Variants in IGSF9 observed in about 807,000 individuals in gnomAD.
The protein encoded by IGSF9 is protein turtle homolog A.
IGSF9 carries 87 observed loss-of-function variants against 121.7 expected under a neutral mutation model. The observed-to-expected ratio is 0.71, with a 90% CI of 0.60 to 0.85. IGSF9 has a LOEUF of 0.85. Ranked by LOEUF, IGSF9 falls within the 40% of genes least tolerant of loss-of-function variation. The pLI, the probability that IGSF9 is intolerant of heterozygous loss-of-function variation, is 0.00. For missense variants in IGSF9, 1,462 were observed against 1,565.3 expected (o/e 0.93, Z 1.11); for synonymous variants, 640 against 648.4 (o/e 0.99, Z 0.20).
In IGSF9 at chr1:159,929,986, G is replaced by A. The variant is rs751451931; in HGVS notation, c.2065-11C>T. ...CTCGTAGAGAACATCCTGCGATGGG[G>A]ATGGGGTACCAGGAGGGAGGTCAGG... On this transcript the variant is annotated splice_polypyrimidine_tract_variant and intron_variant, in intron 15 of 20. Transcript: ENST00000368094. The A allele has an allele frequency of 1.3e-6, 2 of 1,593,094 alleles. No homozygotes were observed. The highest frequency in any genetic ancestry group is 2.3e-5 in the East Asian group (1 of 43,906).
Position 159,927,541 on chromosome 1 carries a change from C to A in IGSF9, c.3359-15G>T, listed in dbSNP as rs760799479. ...AGTCTTCACACCTGCAAGAGGCGGG[C>A]AGGACAATGAGAAGAAGCCCTGAGG... On this transcript the variant is annotated splice_polypyrimidine_tract_variant and intron_variant, in intron 20 of 20. Transcript: ENST00000368094. 3.7e-6 allele frequency: 6 copies of A among 1,606,188 alleles called. No individual in the cohort carries two copies. The highest frequency in any genetic ancestry group is 1.7e-5 in the Admixed American group (1 of 59,668).
Position 159,936,922 on chromosome 1 carries a change from A to C in IGSF9, c.401-14T>G. 6.2e-7 allele frequency: 1 copy of C among 1,613,778 alleles called. No homozygotes were observed. The highest frequency in any genetic ancestry group is 8.5e-7 in the Non-Finnish European group (1 of 1,179,730). On this transcript the variant is annotated splice_polypyrimidine_tract_variant and intron_variant, in intron 4 of 20. Coordinates refer to ENST00000368094, the MANE Select transcript of IGSF9 (RefSeq NM_001135050.2). Reference sequence around the variant, plus strand: ...ATTGAGGGGGTGCTGCAAGGGAGACAGGCATCAGGGGCCCCAGTGGGGCTG... The same window carrying C: ...ATTGAGGGGGTGCTGCAAGGGAGACCGGCATCAGGGGCCCCAGTGGGGCTG...
chr1:159,928,541 A>G lies in IGSF9; in HGVS notation c.2847T>C (p.Pro949=). The G allele has an allele frequency of 1.9e-6, 3 of 1,552,420 alleles. No individual in the cohort carries two copies. The highest frequency in any genetic ancestry group is 2.6e-6 in the Non-Finnish European group (3 of 1,148,244). ...GDWPPLEEPS[P]AAPPDYMDTR... is the part of the protein sequence containing the mutation. ...TATCCATGTAATCTGGGGGTGCAGCAGGGCTGGGCTCCTCAAGCGGGGGCC... is the reference window on the plus strand; with the variant it reads ...TATCCATGTAATCTGGGGGTGCAGCGGGGCTGGGCTCCTCAAGCGGGGGCC... Residue 949 remains proline, a synonymous_variant, in exon 19 of 21, where the codon CCT becomes CCC. Transcript: ENST00000368094.
At chr1:159,934,901 C>T in intron 6 of IGSF9, 79 bp from the exon 7 acceptor site, 2 of 1,538,316 alleles carry the variant, frequency 1.3e-6, no homozygotes, top group Non-Finnish European at 1.8e-6. Context: ...TACAACTCTT[C>T]CCAGCTCTGC....
chr1:159,936,721 A>G (rs1456723056), intron 5 of IGSF9, 33 bp downstream of exon 5: 1 of 1,612,002 alleles, frequency 6.2e-7, no homozygotes, highest in Non-Finnish European at 8.5e-7. Context: ...TTCACACTCT[A>G]TATGGCTCAC....
At chr1:159,929,523 A>G in intron 17 of IGSF9, 115 bp downstream of exon 17, 1 of 1,476,624 alleles carries the variant, frequency 6.8e-7, no homozygotes, top group Non-Finnish European at 9.2e-7. Context: ...CAGATGCAGG[A>G]CTAAGAGAAT....
chr1:159,944,587 G>A (rs1651525144), intron 1 of IGSF9, among the ~76,000 whole-genome samples: 1 of 152,152 alleles, frequency 6.6e-6, no homozygotes, highest in African/African-American at 2.4e-5. Flanking sequence ...AAAAGCCTGT[G>A]AGTCCCTGAA....
chr1:159,930,096 T>C, intron 15 of IGSF9, 93 bp downstream of exon 15: 3 of 1,547,874 alleles, frequency 1.9e-6, no homozygotes, highest in Non-Finnish European at 2.6e-6. Flanking sequence ...GGTGAAGAGC[T>C]CAAATCAAGA....
At chr1:159,940,272 G>A (rs1295336543) in intron 3 of IGSF9, among the ~76,000 whole-genome samples, 2 of 152,210 alleles carry the variant, frequency 1.3e-5, no homozygotes, top group Non-Finnish European at 2.9e-5. Flanking sequence ...GGAGATGCTG[G>A]TAGCCAATGG....
Position 159,929,651 on chromosome 1 carries a change from C to A in IGSF9, c.2313G>T (p.Lys771Asn), listed in dbSNP as rs1416612526. ...GGAGGGACTTACCTTGGCGGAGGCG[C>A]TTGCGGCGGCGGCGGGCAGCCCTGC... ...NRRRAARRRR[K>N]RLRQDPPLIF... Residue 771 changes from lysine to asparagine, a missense_variant, in exon 17 of 21, where the codon AAG (lysine) becomes AAT (asparagine). Physicochemically the swap from Lys to Asn is moderately conservative, Grantham distance 94. Around this residue, in one of 3 missense-constraint regions of IGSF9, gnomAD observed 808 missense variants for 815.2 expected, o/e 0.99. Transcript: ENST00000368094. 2 of 1,594,100 alleles carry A rather than the reference C, an allele frequency of 1.3e-6. No homozygotes were observed. The highest frequency in any genetic ancestry group is 1.3e-5 in the African/African-American group (1 of 74,496).
chr1:159,935,518 G>A (rs972694020), intron 6 of IGSF9, among the ~76,000 whole-genome samples: 4 of 152,150 alleles, frequency 2.6e-5, no homozygotes, highest in African/African-American at 7.2e-5. Context: ...GGGCCTGGCC[G>A]CGCCACATAC....
Position 159,930,826 on chromosome 1 carries a change from A to G in IGSF9, c.1679T>C (p.Leu560Ser), listed in dbSNP as rs1650970289. ...GTGAGCAGCCCCCACAGGCACTGCCAAGGACACCCAGTCATGGTGCATTCG... is the reference window on the plus strand; with the variant it reads ...GTGAGCAGCCCCCACAGGCACTGCCGAGGACACCCAGTCATGGTGCATTCG... ...PDRMHHDWVS[L>S]AVPVGAAHLL... The change falls in exon 14 of 21, where the codon TTG (leucine) becomes TCG (serine). Residue 560 changes from leucine to serine, a missense_variant. Coordinates refer to ENST00000368094, the MANE Select transcript of IGSF9 (RefSeq NM_001135050.2). 1.2e-6 allele frequency: 2 copies of G among 1,613,136 alleles called. No individual in the cohort carries two copies. The highest frequency in any genetic ancestry group is 2.7e-5 in the African/African-American group (2 of 74,850).
At chr1:159,942,530 G>A (rs965029126) in intron 3 of IGSF9, among the ~76,000 whole-genome samples, 1 of 152,198 alleles carries the variant, frequency 6.6e-6, no homozygotes, top group Non-Finnish European at 1.5e-5. Flanking sequence ...CGATGAGGAA[G>A]GGGGAGAGCG....
rs768534757 is a variant in IGSF9 at position 159,928,486 on chromosome 1, G to A, written c.2902C>T (p.Arg968Cys). 5.0e-6 allele frequency: 8 copies of A among 1,585,774 alleles called. No individual in the cohort carries two copies. Among genetic ancestry groups the A allele is most frequent in the South Asian group, 2.3e-5 (2 of 88,118 alleles). Reference sequence around the variant, plus strand: ...GATACAGGAGGGGTTTCTGGAGAACGAAGGAAAGATGAGGTGGGACAGCGC... The same window carrying A: ...GATACAGGAGGGGTTTCTGGAGAACAAAGGAAAGATGAGGTGGGACAGCGC... ...TRRCPTSSFLRSPETPPVSPR... is the reference protein window; with the variant it reads ...TRRCPTSSFLCSPETPPVSPR... Residue 968 changes from arginine (R) to cysteine (C), a missense_variant, in exon 19 of 21, where the codon CGT becomes TGT. Around this residue, in one of 3 missense-constraint regions of IGSF9, gnomAD observed 808 missense variants for 815.2 expected, o/e 0.99. Coordinates refer to ENST00000368094, the MANE Select transcript of IGSF9 (RefSeq NM_001135050.2).
In IGSF9 at chr1:159,931,066, C is replaced by T; in HGVS notation, c.1637+72G>A. ...GAGGGACAGAAGAAAGGGCAGAAGG[C>T]CAGATAGGTTCAAGGAGGAGAGGAA... On this transcript the variant is annotated intron_variant, in intron 13 of 20. Transcript: ENST00000368094. This position sits in a 1 kb window ranked among gnomAD's most constrained non-coding sequence, Gnocchi z 4.8. The T allele has an allele frequency of 3.1e-6, 5 of 1,603,104 alleles. No individual in the cohort carries two copies. Among genetic ancestry groups the T allele is most frequent in the Non-Finnish European group, 3.4e-6 (4 of 1,172,222 alleles).
rs1651007192 is a variant in IGSF9, at chr1:159,931,752, G to A, written c.1362+60C>T. 3 of 1,456,164 alleles carry A rather than the reference G, an allele frequency of 2.1e-6. No homozygotes were observed. The highest frequency in any genetic ancestry group is 2.5e-5 in the South Asian group (2 of 79,380). 90.2% of individuals were successfully genotyped at this position (1,456,164 alleles called of 1,614,324 possible). A position where few individuals can be genotyped will look rare whatever the true frequency, so the allele number is the denominator to read the frequency against. On this transcript the variant is annotated intron_variant, in intron 11 of 20. Coordinates refer to ENST00000368094, the MANE Select transcript of IGSF9 (RefSeq NM_001135050.2). The surrounding 1 kb of genome is among the most constrained non-coding windows in gnomAD (Gnocchi z 4.8). ...CCCTCCCTCCCACAAAATGGCTGGG[G>A]CACGAGAGGCAGGGGTGTAGTGGGC...
At position 159,928,553 on chromosome 1, in the gene IGSF9, C is replaced by T. The variant is rs765317571; in HGVS notation, c.2835G>A (p.Glu945=). ...MNVDGDWPPL[E]EPSPAAPPDY... ...CTGGGGGTGCAGCAGGGCTGGGCTC[C>T]TCAAGCGGGGGCCAGTCCCCATCCA... is the stretch of plus-strand genomic sequence containing the variant. Residue 945 remains glutamate (E), a synonymous_variant, in exon 19 of 21, where the codon GAG becomes GAA. Transcript: ENST00000368094. 3 of 1,544,780 alleles carry T rather than the reference C, an allele frequency of 1.9e-6. No homozygotes were observed. The highest frequency in any genetic ancestry group is 1.4e-5 in the African/African-American group (1 of 73,178).
Position 159,934,288 on chromosome 1 carries a change from T to A in IGSF9, c.1006A>T (p.Ile336Leu), listed in dbSNP as rs370811224. ...TAMPPETPLP[I>L]GMPGVIRCPV... ...CAGCGGATCACCCCCGGCATGCCTA[T>A]GGGCAGGGGTGTCTCAGGAGGCATA... The change falls in exon 9 of 21, where the codon ATA (isoleucine) becomes TTA (leucine). Residue 336 changes from isoleucine to leucine, a missense_variant. Coordinates refer to ENST00000368094, the MANE Select transcript of IGSF9 (RefSeq NM_001135050.2). 2 of 1,611,344 alleles carry A rather than the reference T, an allele frequency of 1.2e-6. No individual in the cohort carries two copies. Among genetic ancestry groups the A allele is most frequent in the Non-Finnish European group, 1.7e-6 (2 of 1,178,754 alleles).
chr1:159,941,315 G>T (rs375963405), intron 3 of IGSF9, among the ~76,000 whole-genome samples: 3 of 152,160 alleles, frequency 2.0e-5, no homozygotes, highest in Non-Finnish European at 4.4e-5. Flanking sequence ...CTGCAGTTCC[G>T]AGTCCCCTAC....
Sources: allele counts gnomAD v4.1 joint callset (sites outside exome capture counted in the v4.1 genomes callset), GRCh38; gene constraint gnomAD v4.1.1; regional missense constraint gnomAD v4.1.1; non-coding constraint Gnocchi (gnomAD v3.1); transcripts MANE v1.5; gene names NCBI Gene and HGNC (gene_info 2026-07-23, HGNC 2026-07-21).